The following RIMS1 variants were observed in gnomAD, a reference collection of about 807,000 sequenced individuals.
RIMS1 encodes regulating synaptic membrane exocytosis protein 1.
Under a neutral mutation model 214.1 loss-of-function variants are expected in RIMS1, and 83 were observed. The observed-to-expected ratio is 0.39, with a 90% confidence interval of 0.32 to 0.47. The LOEUF is 0.47. RIMS1 is among the 20% of genes least tolerant of loss of function. The pLI, the probability that RIMS1 is intolerant of heterozygous loss-of-function variation, is 0.99. For missense variants in RIMS1, 2,050 were observed against 2,161.8 expected (o/e 0.95, Z 1.03); for synonymous variants, 793 against 786.8 (o/e 1.01, Z -0.13).
chr6:72,013,387 T>C (rs1811547058), intron 2 of RIMS1, among the ~76,000 whole-genome samples: 1 of 152,226 alleles, frequency 6.6e-6, no homozygotes, highest in South Asian at 2.1e-4. Context: ...ATCTTTTGAA[T>C]GTCCAGTGTA....
At chr6:72,203,292 A>G (rs2052360342) in intron 6 of RIMS1, among the ~76,000 whole-genome samples, 1 of 152,118 alleles carries the variant, frequency 6.6e-6, no homozygotes, top group Admixed American at 6.5e-5. Context: ...TGGCCCCATA[A>G]ATATTATTTC....
At position 71,958,915 on chromosome 6, in the gene RIMS1, G is replaced by T. The variant is rs965364213; in HGVS notation, c.165-10068G>T. 2.6e-5 allele frequency among the ~76,000 whole-genome samples: 4 copies of T among 152,050 alleles called. No individual in the cohort carries two copies. In the South Asian group the frequency reaches 6.2e-4, roughly 24 times the overall value. ...TATTTCCATCAATTTGGATGAAGGG[G>T]ATGAAAAAGTTATTTACAAGATTTA... is the stretch of plus-strand genomic sequence containing the variant. On this transcript the variant is annotated intron_variant, in intron 1 of 33. Transcript: ENST00000521978.
chr6:72,330,184 A>G (rs903505847), intron 28 of RIMS1, among the ~76,000 whole-genome samples: 4 of 151,854 alleles, frequency 2.6e-5, no homozygotes, highest in African/African-American at 9.7e-5. Context: ...TGACAAATGC[A>G]TGACATATTG....
chr6:72,378,624 G>A (rs2098434279), intron 29 of RIMS1, among the ~76,000 whole-genome samples: 1 of 152,130 alleles, frequency 6.6e-6, no homozygotes, highest in African/African-American at 2.4e-5. Flanking sequence ...GAGGTCAGGA[G>A]TTCACGACCA....
chr6:71,899,717 T>A (rs1687036986), intron 1 of RIMS1, among the ~76,000 whole-genome samples: 1 of 152,188 alleles, frequency 6.6e-6, no homozygotes, highest in Admixed American at 6.6e-5. Context: ...GTGGCTATTC[T>A]GGAAGAAGCA....
At chr6:72,059,481 G>T (rs949669894) in intron 2 of RIMS1, among the ~76,000 whole-genome samples, 9 of 151,932 alleles carry the variant, frequency 5.9e-5, no homozygotes, top group African/African-American at 2.2e-4. Flanking sequence ...CATCCCCCTC[G>T]GCCTCCCAAA....
intron 15 of RIMS1, among the ~76,000 whole-genome samples, 170 bp from the exon 16 acceptor site, chr6:72,252,591 T>C (rs910335766): frequency 7.9e-5 from 12 of 152,350 alleles, no homozygotes; most frequent in African/African-American, 2.9e-4. Flanking sequence ...TAAAATGTTA[T>C]CCTTAGAGAA....
chr6:71,908,944 T>C (rs1776100260), intron 1 of RIMS1, among the ~76,000 whole-genome samples: 1 of 152,202 alleles, frequency 6.6e-6, no homozygotes, highest in Non-Finnish European at 1.5e-5. Context: ...ATCTAAACTT[T>C]CTTGATTTCC....
Position 72,006,069 on chromosome 6 carries a change from G to A in RIMS1, c.245+37006G>A, listed in dbSNP as rs117440360. 5.9e-3 allele frequency among the ~76,000 whole-genome samples: 892 copies of A among 152,230 alleles called. 6 individuals carry two copies. Among genetic ancestry groups the A allele is most frequent in the Middle Eastern group, 0.01 (3 of 294 alleles). On this transcript the variant is annotated intron_variant, in intron 2 of 33. Coordinates refer to ENST00000521978, the MANE Select transcript of RIMS1 (RefSeq NM_014989.7). Reference sequence around the variant, plus strand: ...GTGGGGGCTTGCTTCCTGGTTTACCGATGGCCTTCTTGCTTTGCTCTCAAG... The same window carrying A: ...GTGGGGGCTTGCTTCCTGGTTTACCAATGGCCTTCTTGCTTTGCTCTCAAG...
chr6:72,321,179 C>T (rs934946031), intron 28 of RIMS1, among the ~76,000 whole-genome samples: 3 of 152,110 alleles, frequency 2.0e-5, no homozygotes, highest in Admixed American at 6.6e-5. Context: ...TTCTGAATCA[C>T]TAATACAACA....
At chr6:71,974,279 G>A (rs927262858) in intron 2 of RIMS1, among the ~76,000 whole-genome samples, 3 of 151,990 alleles carry the variant, frequency 2.0e-5, no homozygotes, top group Non-Finnish European at 2.9e-5. Context: ...ATGTGGTTTC[G>A]TGGGTGGGTG....
chr6:72,051,567 T>C (rs374006132), intron 2 of RIMS1, among the ~76,000 whole-genome samples: 10 of 152,266 alleles, frequency 6.6e-5, no homozygotes, highest in Middle Eastern at 6.8e-3. Flanking sequence ...TGTGAAAGCC[T>C]AATCCTAAAA....
At chr6:71,900,238 G>C (rs1255189704) in intron 1 of RIMS1, among the ~76,000 whole-genome samples, 1 of 151,994 alleles carries the variant, frequency 6.6e-6, no homozygotes, top group African/African-American at 2.4e-5. Context: ...AGGGGGAGTG[G>C]TAAGCCTGAA....
At chr6:72,115,612 A>G (rs765290962) in intron 4 of RIMS1, among the ~76,000 whole-genome samples, 2 of 151,784 alleles carry the variant, frequency 1.3e-5, no homozygotes, top group Non-Finnish European at 1.5e-5. Context: ...TGCTGGTGTT[A>G]TTTTTGCTTT....
chr6:72,206,419 A>C (rs1300269631), intron 6 of RIMS1, among the ~76,000 whole-genome samples: 1 of 152,226 alleles, frequency 6.6e-6, no homozygotes, highest in African/African-American at 2.4e-5. Context: ...ATTTAAGTTC[A>C]ACTTGTGTTT....
chr6:72,355,405 G>A (rs1173957493), intron 29 of RIMS1, among the ~76,000 whole-genome samples: 1 of 152,058 alleles, frequency 6.6e-6, no homozygotes, highest in Non-Finnish European at 1.5e-5. Context: ...ACTGTTGTTA[G>A]AGCAAAAATA....
intron 27 of RIMS1, among the ~76,000 whole-genome samples, chr6:72,310,653 T>A (rs2095465601): frequency 1.3e-5 from 2 of 152,084 alleles, no homozygotes; most frequent in Non-Finnish European, 2.9e-5. Context: ...ATTTGCCCTC[T>A]GTAGGATCGG....
chr6:72,081,768 C>G (rs1833473306), intron 2 of RIMS1, among the ~76,000 whole-genome samples: 1 of 151,952 alleles, frequency 6.6e-6, no homozygotes, highest in Non-Finnish European at 1.5e-5. Context: ...TCTACATTAG[C>G]AGTAATATTT....
intron 29 of RIMS1, among the ~76,000 whole-genome samples, chr6:72,358,956 T>C (rs1335428985): frequency 6.6e-6 from 1 of 152,134 alleles, no homozygotes; most frequent in African/African-American, 2.4e-5. Flanking sequence ...AGATGAGACA[T>C]CTTAAACCTC....
Sources: allele counts gnomAD v4.1 joint callset (sites outside exome capture counted in the v4.1 genomes callset), GRCh38; gene constraint gnomAD v4.1.1; transcripts MANE v1.5; gene names NCBI Gene and HGNC (gene_info 2026-07-23, HGNC 2026-07-21).